ACTN4: variants seen among roughly 807,000 people sequenced by gnomAD.
ACTN4 encodes the protein actinin alpha 4.
A neutral mutation model predicts 114.2 loss-of-function variants in ACTN4; 18 were observed. The observed-to-expected ratio is 0.16, with a 90% CI of 0.11 to 0.23. The LOEUF is 0.23. ACTN4 is among the 10% of genes least tolerant of loss of function. ACTN4 has a pLI of 1.00. For synonymous variants in ACTN4, 515 were observed against 506.3 expected (o/e 1.02, Z -0.23); for missense variants, 722 against 1,262.9 (o/e 0.57, Z 6.49).
In ACTN4 at chr19:38,730,967, G is replaced by C. The variant is rs546651043; in HGVS notation, c.*1535G>C. The C allele has an allele frequency of 1.3e-6, 2 of 1,550,784 alleles. No homozygotes were observed. The highest frequency in any genetic ancestry group is 1.7e-6 in the Non-Finnish European group (2 of 1,147,140). ...CCTGTCCCTCCCACCTGGCTCACCT[G>C]TCTGTGGGTCAGGCAGATGACCCCC... is the stretch of plus-strand genomic sequence containing the variant. On this transcript the variant is annotated 3_prime_UTR_variant, in exon 21 of 21. Transcript: ENST00000252699.
At chr19:38,715,775 C>T (rs1189383780) in intron 9 of ACTN4, among the ~76,000 whole-genome samples, 1 of 152,230 alleles carries the variant, frequency 6.6e-6, no homozygotes, top group Non-Finnish European at 1.5e-5. Context: ...TGGCAGCACG[C>T]CTCACAATGT....
rs750397674 is a variant in ACTN4, at chr19:38,706,023, C to T, written c.485-21C>T. 16 of 1,613,326 alleles carry T rather than the reference C, an allele frequency of 9.9e-6. No individual in the cohort carries two copies. The South Asian group carries it at 1.6e-4, about 17-fold the overall frequency. ...GGGTTTATTTTTGAGCCAGTGCTCA[C>T]TGTCTTTGTGTGTTTTGCAGAGACC... On this transcript the variant is annotated intron_variant, in intron 4 of 20. Transcript: ENST00000252699.
chr19:38,709,869 C>A (rs969010161), intron 7 of ACTN4, among the ~76,000 whole-genome samples: 1 of 152,204 alleles, frequency 6.6e-6, no homozygotes, highest in South Asian at 2.1e-4. Context: ...TGGAGCCCGA[C>A]AAAGTGGAGT....
chr19:38,713,103 G>C (rs1968715765), intron 8 of ACTN4, among the ~76,000 whole-genome samples: 1 of 152,202 alleles, frequency 6.6e-6, no homozygotes, highest in Admixed American at 6.5e-5. Flanking sequence ...GCTCTTGCAA[G>C]AGTGCTCTCT....
At chr19:38,673,476 T>G (rs8182569) in intron 1 of ACTN4, among the ~76,000 whole-genome samples, 31 of 50,790 alleles carry the variant, frequency 6.1e-4, no homozygotes, top group South Asian at 1.7e-3. Context: ...TATATATATT[T>G]ATATATATAT....
At chr19:38,654,209 A>G (rs1292902852) in intron 1 of ACTN4, among the ~76,000 whole-genome samples, 1 of 152,224 alleles carries the variant, frequency 6.6e-6, no homozygotes, top group Admixed American at 6.5e-5. Flanking sequence ...TGTTTAAAGA[A>G]GGATCTTATG....
In ACTN4 at chr19:38,717,878, G is replaced by T; in HGVS notation, c.1144-49G>T. 1 of 1,555,774 alleles carries T rather than the reference G, an allele frequency of 6.4e-7. No individual in the cohort carries two copies. The highest frequency in any genetic ancestry group is 8.7e-7 in the Non-Finnish European group (1 of 1,149,452). ...GCATCCCTTGGAGACATCCCCCTGG[G>T]TGCCTCCACTTCCTTGTGATAGCCC... On this transcript the variant is annotated intron_variant, in intron 10 of 20. Coordinates refer to ENST00000252699, the MANE Select transcript of ACTN4 (RefSeq NM_004924.6). The surrounding 1 kb of genome is among the most constrained non-coding windows in gnomAD (Gnocchi z 4.0).
At chr19:38,665,273 G>T (rs919343476) in intron 1 of ACTN4, among the ~76,000 whole-genome samples, 1 of 152,170 alleles carries the variant, frequency 6.6e-6, no homozygotes, top group Non-Finnish European at 1.5e-5. Context: ...CTCCACCACC[G>T]GCTGGCTGTG....
intron 1 of ACTN4, among the ~76,000 whole-genome samples, chr19:38,654,566 AAAAAAAAAAAAG>A (rs2144827886): frequency 6.6e-6 from 1 of 151,932 alleles, no homozygotes; most frequent in South Asian, 2.1e-4. Context: ...CGTCTCAAAA[AAAAAAAAAAAAG>A]AAAAAGAAAA....
In ACTN4 at chr19:38,727,411, A is replaced by G. The variant is rs1243852469; in HGVS notation, c.2337+308A>G. Among the ~76,000 whole-genome samples the G allele has an allele frequency of 2.0e-5, 3 of 152,106 alleles. No homozygotes were observed. The highest frequency in any genetic ancestry group is 7.2e-5 in the African/African-American group (3 of 41,398). On this transcript the variant is annotated intron_variant, in intron 18 of 20. Transcript: ENST00000252699. The surrounding 1 kb of genome is among the most constrained non-coding windows in gnomAD (Gnocchi z 5.4). ...CCAGGCTTTGCGACCCGGTCTGTGAACCTGGACACAGACACCCCGCACAGT... is the reference window on the plus strand; with the variant it reads ...CCAGGCTTTGCGACCCGGTCTGTGAGCCTGGACACAGACACCCCGCACAGT...
intron 12 of ACTN4, among the ~76,000 whole-genome samples, chr19:38,722,065 G>A (rs562092366): frequency 6.6e-6 from 1 of 152,326 alleles, no homozygotes; most frequent in South Asian, 2.1e-4. Context: ...GTCCCTGAGG[G>A]AACCAGGCTG....
At chr19:38,678,382 TTGAC>T (rs1240383936) in intron 1 of ACTN4, among the ~76,000 whole-genome samples, 1 of 152,196 alleles carries the variant, frequency 6.6e-6, no homozygotes, top group African/African-American at 2.4e-5. Flanking sequence ...GCCCTGTGGT[TTGAC>T]TGGCTGGCCA....
intron 7 of ACTN4, among the ~76,000 whole-genome samples, chr19:38,709,950 C>A (rs988327912): frequency 6.6e-6 from 1 of 152,220 alleles, no homozygotes; most frequent in Admixed American, 6.5e-5. Context: ...TAGCCATGCA[C>A]TGCCCCAGCT....
chr19:38,707,723 C>G (rs1968508120), intron 5 of ACTN4, among the ~76,000 whole-genome samples: 1 of 152,222 alleles, frequency 6.6e-6, no homozygotes, highest in South Asian at 2.1e-4. Context: ...AGCGGCCTGT[C>G]TGGTTCAGGG....
intron 1 of ACTN4, among the ~76,000 whole-genome samples, chr19:38,664,092 G>A (rs1277097919): frequency 1.3e-5 from 2 of 152,240 alleles, no homozygotes; most frequent in Non-Finnish European, 2.9e-5. Flanking sequence ...TCGGCTCCCA[G>A]TCTGCTGGCG....
intron 19 of ACTN4, chr19:38,728,455 C>CCA: frequency 4.8e-6 from 5 of 1,040,458 alleles, no homozygotes; most frequent in Non-Finnish European, 6.4e-6. Flanking sequence ...TCCTCCCCCC[C>CCA]ACCTCTCCCC....
chr19:38,710,231 G>A, intron 7 of ACTN4, 26 bp from the exon 8 acceptor site: 1 of 1,613,882 alleles, frequency 6.2e-7, no homozygotes, highest in Non-Finnish European at 8.5e-7. Context: ...TACTCGGGCA[G>A]TTTAACCCTT....
At chr19:38,652,527 C>CCT (rs1019279557) in intron 1 of ACTN4, among the ~76,000 whole-genome samples, 23 of 152,136 alleles carry the variant, frequency 1.5e-4, no homozygotes, top group African/African-American at 5.3e-4. Flanking sequence ...CCAGGATTGC[C>CCT]CTCTGCCTTT....
intron 5 of ACTN4, among the ~76,000 whole-genome samples, chr19:38,706,670 C>T (rs8104815): frequency 0.057 from 8,623 of 152,302 alleles, 262 homozygotes; most frequent in South Asian, 0.096. Flanking sequence ...CCTCCTACCC[C>T]GGCCTCCCAA....
Sources: allele counts gnomAD v4.1 joint callset (sites outside exome capture counted in the v4.1 genomes callset), GRCh38; gene constraint gnomAD v4.1.1; non-coding constraint Gnocchi (gnomAD v3.1); transcripts MANE v1.5; gene names NCBI Gene and HGNC (gene_info 2026-07-23, HGNC 2026-07-21).